Variants in IGSF3 observed in about 807,000 individuals in gnomAD.
The protein encoded by IGSF3 is glu-Trp-Ile EWI motif-containing protein 3.
In IGSF3, 23 loss-of-function variants were observed where a neutral mutation model predicts 114.4. That is an observed-to-expected ratio of 0.20 (90% CI 0.14 to 0.28). The LOEUF (loss-of-function observed/expected upper bound fraction) is 0.28, where lower values mean the gene tolerates loss of function less well. IGSF3 is among the 10% of genes least tolerant of loss of function. IGSF3 has a pLI of 1.00. For missense variants in IGSF3, 1,172 were observed against 1,591.5 expected (o/e 0.74, Z 4.48); for synonymous variants, 571 against 645.2 (o/e 0.88, Z 1.74).
Position 116,625,932 on chromosome 1 carries a change from T to C in IGSF3, c.44-9475A>G, listed in dbSNP as rs1240303305. ...CTGATCTCTCTGATGTCTGCACTGC[T>C]GTGTCACTAGACTGCCTGATTGTCC... is the stretch of plus-strand genomic sequence containing the variant. On this transcript the variant is annotated intron_variant, in intron 2 of 10. Transcript: ENST00000369486. The surrounding 1 kb of genome is among the most constrained non-coding windows in gnomAD (Gnocchi z 4.7). Among the ~76,000 whole-genome samples, 1 of 152,228 alleles carries C rather than the reference T, an allele frequency of 6.6e-6. No individual in the cohort carries two copies. Among genetic ancestry groups the C allele is most frequent in the Non-Finnish European group, 1.5e-5 (1 of 68,044 alleles).
rs1357915700 is a variant in IGSF3, at chr1:116,666,699, G to C, written c.-373C>G. 3.9e-6 allele frequency: 2 copies of C among 512,056 alleles called. No individual in the cohort carries two copies. Among genetic ancestry groups the C allele is most frequent in the Non-Finnish European group, 6.8e-6 (2 of 294,410 alleles). 31.7% of individuals were successfully genotyped at this position (512,056 alleles called of 1,614,324 possible). ...TTTCATCCACTGATTATACAGAAATGTCCTTGGCTTCTCAGTGAAGGTGTC... is the reference window on the plus strand; with the variant it reads ...TTTCATCCACTGATTATACAGAAATCTCCTTGGCTTCTCAGTGAAGGTGTC... On this transcript the variant is annotated 5_prime_UTR_variant, in exon 2 of 11. Transcript: ENST00000369486.
chr1:116,589,514 T>A lies in IGSF3; in HGVS notation c.2030-410A>T, dbSNP rs982329611. The stretch of plus-strand genomic sequence containing the variant: ...GGATCTGGCCTTCACCCAAGTGTCC[T>A]GACTCATCTCTCACGACTCACCCTC... On this transcript the variant is annotated intron_variant, in intron 7 of 10. Coordinates refer to ENST00000369486, the MANE Select transcript of IGSF3 (RefSeq NM_001007237.3). This position sits in a 1 kb window ranked among gnomAD's most constrained non-coding sequence, Gnocchi z 5.7. Among the ~76,000 whole-genome samples the A allele has an allele frequency of 6.6e-6, 1 of 152,128 alleles. No homozygotes were observed. The highest frequency in any genetic ancestry group is 2.4e-5 in the African/African-American group (1 of 41,412).
At position 116,616,058 on chromosome 1, in the gene IGSF3, C is replaced by T. The variant is rs1661204199; in HGVS notation, c.421+22G>A. Reference sequence around the variant, plus strand: ...ACTGAGTCAGGCCAGACGCTGGCAACGTGAAGACAGCTTCTCCTTACCCAC... The same window carrying T: ...ACTGAGTCAGGCCAGACGCTGGCAATGTGAAGACAGCTTCTCCTTACCCAC... On this transcript the variant is annotated intron_variant, in intron 3 of 10. Coordinates refer to ENST00000369486, the MANE Select transcript of IGSF3 (RefSeq NM_001007237.3). This position sits in a 1 kb window ranked among gnomAD's most constrained non-coding sequence, Gnocchi z 6.6. 13 of 1,578,752 alleles carry T rather than the reference C, an allele frequency of 8.2e-6. No individual in the cohort carries two copies. Among genetic ancestry groups the T allele is most frequent in the Middle Eastern group, 1.7e-4 (1 of 5,948 alleles).
In IGSF3 at chr1:116,594,500, G is replaced by A. The variant is rs1176148232; in HGVS notation, c.2030-5396C>T. Among the ~76,000 whole-genome samples, 1 of 152,158 alleles carries A rather than the reference G, an allele frequency of 6.6e-6. No homozygotes were observed. The highest frequency in any genetic ancestry group is 1.5e-5 in the Non-Finnish European group (1 of 68,028). On this transcript the variant is annotated intron_variant, in intron 7 of 10. Coordinates refer to ENST00000369486, the MANE Select transcript of IGSF3 (RefSeq NM_001007237.3). The surrounding 1 kb of genome is among the most constrained non-coding windows in gnomAD (Gnocchi z 5.2). The stretch of plus-strand genomic sequence containing the variant: ...AGCAAACTTTCATCTGGTCCTATGT[G>A]CTCAGCACTATTCTAAGCACTTTAT...
chr1:116,660,186 G>C (rs992361131), intron 2 of IGSF3, among the ~76,000 whole-genome samples: 1 of 152,180 alleles, frequency 6.6e-6, no homozygotes, highest in African/African-American at 2.4e-5. Context: ...TAAAAGGCCT[G>C]CTGAGGCCTT....
At chr1:116,609,278 G>C (rs777408266) in intron 4 of IGSF3, among the ~76,000 whole-genome samples, 7 of 151,866 alleles carry the variant, frequency 4.6e-5, no homozygotes, top group Non-Finnish European at 1.0e-4. Flanking sequence ...ACAGGGTCTC[G>C]TTCTGTTGCC....
chr1:116,594,136 T>G lies in IGSF3; in HGVS notation c.2030-5032A>C, dbSNP rs1273573896. ...CAGGACTTCAGAAACCCTGTCAGGA[T>G]GGCAGTCCTGCTCATGGTGCCAAGT... On this transcript the variant is annotated intron_variant, in intron 7 of 10. Coordinates refer to ENST00000369486, the MANE Select transcript of IGSF3 (RefSeq NM_001007237.3). This position sits in a 1 kb window ranked among gnomAD's most constrained non-coding sequence, Gnocchi z 5.2. Among the ~76,000 whole-genome samples the G allele has an allele frequency of 1.3e-5, 2 of 152,236 alleles. No homozygotes were observed. Among genetic ancestry groups the G allele is most frequent in the Non-Finnish European group, 2.9e-5 (2 of 68,036 alleles).
In IGSF3 at chr1:116,649,576, T is replaced by C. The variant is rs567397567; in HGVS notation, c.43+16708A>G. 6.6e-6 allele frequency among the ~76,000 whole-genome samples: 1 copy of C among 152,284 alleles called. No individual in the cohort carries two copies. Among genetic ancestry groups the C allele is most frequent in the South Asian group, 2.1e-4 (1 of 4,822 alleles). ...ATCCATCTTACCCTTCTTCACCAGT[T>C]AATTTATTACAATCTTCCTTTGACA... On this transcript the variant is annotated intron_variant, in intron 2 of 10. Coordinates refer to ENST00000369486, the MANE Select transcript of IGSF3 (RefSeq NM_001007237.3). This position sits in a 1 kb window ranked among gnomAD's most constrained non-coding sequence, Gnocchi z 4.5.
rs1304999532 is a variant in IGSF3, at chr1:116,612,275, A to G, written c.832+1490T>C. 6.6e-6 allele frequency among the ~76,000 whole-genome samples: 1 copy of G among 152,224 alleles called. No homozygotes were observed. The highest frequency in any genetic ancestry group is 2.4e-5 in the African/African-American group (1 of 41,462). ...ATTTTTTAATATTGAAAGATCCAGA[A>G]GCTGCTAAATGTCCTACAGAGCAGA... On this transcript the variant is annotated intron_variant, in intron 4 of 10. Coordinates refer to ENST00000369486, the MANE Select transcript of IGSF3 (RefSeq NM_001007237.3). This position sits in a 1 kb window ranked among gnomAD's most constrained non-coding sequence, Gnocchi z 4.1.
In IGSF3 at chr1:116,584,297, C is replaced by A. The variant is rs1182780160; in HGVS notation, c.2848+348G>T. On this transcript the variant is annotated intron_variant, in intron 9 of 10. Coordinates refer to ENST00000369486, the MANE Select transcript of IGSF3 (RefSeq NM_001007237.3). This position sits in a 1 kb window ranked among gnomAD's most constrained non-coding sequence, Gnocchi z 5.8. ...TCGATTACTTTCCACTGAAAATCCA[C>A]AAGCTGAATTTTCTCAACAACATGG... Among the ~76,000 whole-genome samples the A allele has an allele frequency of 6.6e-6, 1 of 152,124 alleles. No individual in the cohort carries two copies. The highest frequency in any genetic ancestry group is 1.5e-5 in the Non-Finnish European group (1 of 68,032).
At chr1:116,640,177 T>C (rs1448003506) in intron 2 of IGSF3, among the ~76,000 whole-genome samples, 8 of 152,102 alleles carry the variant, frequency 5.3e-5, no homozygotes, top group Non-Finnish European at 8.8e-5. Flanking sequence ...ACAGCAGCCA[T>C]TGCAAGTTTA....
In IGSF3 at chr1:116,603,844, G is replaced by A. The variant is rs372850144; in HGVS notation, c.1404C>T (p.Thr468=). The part of the protein sequence containing the change: ...SNIMWLDRDG[T]VQPGSSYWER... Reference sequence around the variant, plus strand: ...CCCAGTAGGACGAGCCTGGCTGCACGGTGCCATCCCGGTCTAGCCACATGA... The same window carrying A: ...CCCAGTAGGACGAGCCTGGCTGCACAGTGCCATCCCGGTCTAGCCACATGA... The change falls in exon 6 of 11, where the codon ACC becomes ACT. Residue 468 remains threonine (T), a synonymous_variant. Coordinates refer to ENST00000369486, the MANE Select transcript of IGSF3 (RefSeq NM_001007237.3). This position sits in a 1 kb window ranked among gnomAD's most constrained non-coding sequence, Gnocchi z 7.1. 5.6e-5 allele frequency: 91 copies of A among 1,614,012 alleles called. No individual in the cohort carries two copies. The highest frequency in any genetic ancestry group is 3.3e-4 in the Middle Eastern group (2 of 6,056).
At position 116,597,997 on chromosome 1, in the gene IGSF3, A is replaced by C. The variant is rs376187580; in HGVS notation, c.2029+1944T>G. 1.8e-4 allele frequency among the ~76,000 whole-genome samples: 27 copies of C among 152,248 alleles called. 4 individuals carry two copies. Among genetic ancestry groups the C allele is most frequent in the Admixed American group, 1.6e-3 (24 of 15,288 alleles). ...CTGGCATCCAAGAGGTACTTCATAC[A>C]TATTTTTCCCTGTCTGCCTTTAGTA... On this transcript the variant is annotated intron_variant, in intron 7 of 10. Coordinates refer to ENST00000369486, the MANE Select transcript of IGSF3 (RefSeq NM_001007237.3).
At position 116,605,503 on chromosome 1, in the gene IGSF3, C is replaced by G. The variant is rs1286650325; in HGVS notation, c.1223-1478G>C. On this transcript the variant is annotated intron_variant, in intron 5 of 10. Coordinates refer to ENST00000369486, the MANE Select transcript of IGSF3 (RefSeq NM_001007237.3). This position sits in a 1 kb window ranked among gnomAD's most constrained non-coding sequence, Gnocchi z 5.1. ...TACCAGGATGATTCATAGAGATGAT[C>G]AGGCTCCTGAACAGTCACCATCTAT... 1.3e-5 allele frequency among the ~76,000 whole-genome samples: 2 copies of G among 152,102 alleles called. No individual in the cohort carries two copies. Among genetic ancestry groups the G allele is most frequent in the Non-Finnish European group, 2.9e-5 (2 of 68,026 alleles).
chr1:116,651,829 C>A lies in IGSF3; in HGVS notation c.43+14455G>T, dbSNP rs909559904. Among the ~76,000 whole-genome samples the A allele has an allele frequency of 2.0e-5, 3 of 152,166 alleles. No homozygotes were observed. The highest frequency in any genetic ancestry group is 4.8e-5 in the African/African-American group (2 of 41,424). On this transcript the variant is annotated intron_variant, in intron 2 of 10. Coordinates refer to ENST00000369486, the MANE Select transcript of IGSF3 (RefSeq NM_001007237.3). This position sits in a 1 kb window ranked among gnomAD's most constrained non-coding sequence, Gnocchi z 4.4. The stretch of plus-strand genomic sequence containing the variant: ...TATTAAACCATTACTCACAAAAGTA[C>A]AATCCAACTTCAGGATTGTAATTAA...
Position 116,589,731 on chromosome 1 carries a change from C to CTCA in IGSF3, c.2030-630_2030-628dup, listed in dbSNP as rs1365229735. 1.3e-5 allele frequency among the ~76,000 whole-genome samples: 2 copies of CTCA among 152,162 alleles called. No homozygotes were observed. Among genetic ancestry groups the CTCA allele is most frequent in the Non-Finnish European group, 2.9e-5 (2 of 68,030 alleles). ...TCTATATATCTCTGGGCTGTGTGTC[C>CTCA]TCACATCTCTCTCCCATATCCTAGA... is the stretch of plus-strand genomic sequence containing the variant. On this transcript the variant is annotated intron_variant, in intron 7 of 10. Coordinates refer to ENST00000369486, the MANE Select transcript of IGSF3 (RefSeq NM_001007237.3). The surrounding 1 kb of genome is among the most constrained non-coding windows in gnomAD (Gnocchi z 5.7).
At chr1:116,617,259 C>T in intron 2 of IGSF3, 1 of 965,252 alleles carries the variant, frequency 1.0e-6, no homozygotes, top group South Asian at 4.8e-5. Flanking sequence ...TACTGTTCTC[C>T]AAGGTCACTT....
rs1019387962 is a variant in IGSF3 at position 116,594,906 on chromosome 1, G to T, written c.2029+5035C>A. On this transcript the variant is annotated intron_variant, in intron 7 of 10. Coordinates refer to ENST00000369486, the MANE Select transcript of IGSF3 (RefSeq NM_001007237.3). The surrounding 1 kb of genome is among the most constrained non-coding windows in gnomAD (Gnocchi z 5.2). ...CACCCCTACCCCATTCCCTCCTCAC[G>T]CCCCCTGCCCCCGTTCATGCCCTGT... Among the ~76,000 whole-genome samples the T allele has an allele frequency of 7.1e-6, 1 of 140,676 alleles. No individual in the cohort carries two copies. Among genetic ancestry groups the T allele is most frequent in the Non-Finnish European group, 1.5e-5 (1 of 64,840 alleles). 92.3% of individuals were successfully genotyped at this position (140,676 alleles called of 152,430 possible). A position where few individuals can be genotyped will look rare whatever the true frequency, so the allele number is the denominator to read the frequency against.
chr1:116,621,558 T>A (rs929523394), intron 2 of IGSF3, among the ~76,000 whole-genome samples: 6 of 152,206 alleles, frequency 3.9e-5, no homozygotes, highest in Non-Finnish European at 8.8e-5. Flanking sequence ...CCACAGAAAC[T>A]GTGAGATAAT....
Sources: allele counts gnomAD v4.1 joint callset (sites outside exome capture counted in the v4.1 genomes callset), GRCh38; gene constraint gnomAD v4.1.1; non-coding constraint Gnocchi (gnomAD v3.1); transcripts MANE v1.5; gene names NCBI Gene and HGNC (gene_info 2026-07-23, HGNC 2026-07-21).